The following RARB variants were observed in gnomAD, a reference collection of about 807,000 sequenced individuals.
RARB encodes HBV-activated protein.
RARB carries 17 observed loss-of-function variants against 51.9 expected under a neutral mutation model. The observed-to-expected ratio is 0.33, with a 90% CI of 0.22 to 0.49. The LOEUF (loss-of-function observed/expected upper bound fraction) is 0.49, where lower values mean the gene tolerates loss of function less well. Among genes scored for constraint, RARB ranks in the 20% least tolerant of loss-of-function variants. The pLI, the probability that RARB is intolerant of heterozygous loss-of-function variation, is 0.99. For missense variants in RARB, 369 were observed against 550.8 expected, an observed-to-expected ratio of 0.67 and a Z score of 3.30; for synonymous variants, 215 against 195.4, an observed-to-expected ratio of 1.10 and a Z score of -0.84.
chr3:25,212,938 T>C lies in RARB; in HGVS notation c.178+38363T>C, dbSNP rs78607722. Among the ~76,000 whole-genome samples, 1,099 of 152,278 alleles carry C rather than the reference T, an allele frequency of 7.2e-3. 12 individuals carry two copies. Among genetic ancestry groups the C allele is most frequent in the African/African-American group, 0.023 (968 of 41,544 alleles). Reference sequence around the variant, plus strand: ...CCTGAACTAGGCCACGGACGGGAAGTAAGGAAGGTCCCTGAGCATTGCGGC... The same window carrying C: ...CCTGAACTAGGCCACGGACGGGAAGCAAGGAAGGTCCCTGAGCATTGCGGC... On this transcript the variant is annotated intron_variant, in intron 5 of 11. Coordinates refer to the RARB transcript ENST00000383772.
At chr3:25,138,853 A>C (rs1700070225) in intron 4 of RARB, among the ~76,000 whole-genome samples, 2 of 152,172 alleles carry the variant, frequency 1.3e-5, no homozygotes, top group African/African-American at 4.8e-5. Context: ...TATTTTACAA[A>C]TTGAAGGCTT....
At chr3:25,497,720 ACT>A (rs370365755) in intron 2 of RARB, among the ~76,000 whole-genome samples, 2 of 151,826 alleles carry the variant, frequency 1.3e-5, no homozygotes, top group African/African-American at 2.4e-5. Context: ...TGCTACCTCC[ACT>A]CTCTCCTCTC....
At chr3:25,031,770 C>A (rs1200037093) in intron 2 of RARB, among the ~76,000 whole-genome samples, 1 of 152,122 alleles carries the variant, frequency 6.6e-6, no homozygotes, top group Non-Finnish European at 1.5e-5. Context: ...GAAGTGAAAA[C>A]TAAAAAGGGC....
chr3:25,163,628 A>G (rs1449675066), intron 4 of RARB, among the ~76,000 whole-genome samples: 1 of 151,642 alleles, frequency 6.6e-6, no homozygotes, highest in African/African-American at 2.4e-5. Flanking sequence ...ACACACAGAA[A>G]TTAATAATAT....
chr3:24,937,945 A>G (rs1695580343), intron 2 of RARB, among the ~76,000 whole-genome samples: 1 of 152,210 alleles, frequency 6.6e-6, no homozygotes, highest in African/African-American at 2.4e-5. Context: ...GAGACCGCAC[A>G]TGAGAAGGGT....
chr3:25,404,842 C>T (rs767777288), intron 5 of RARB, among the ~76,000 whole-genome samples: 44 of 152,186 alleles, frequency 2.9e-4, no homozygotes, highest in Non-Finnish European at 5.4e-4. Flanking sequence ...TACTGAACCT[C>T]CAACCCAGTT....
intron 2 of RARB, among the ~76,000 whole-genome samples, chr3:25,042,964 T>C (rs1698143607): frequency 6.6e-6 from 1 of 152,230 alleles, no homozygotes; most frequent in African/African-American, 2.4e-5. Flanking sequence ...TCAGATATCC[T>C]TCATCCAGTA....
intron 2 of RARB, among the ~76,000 whole-genome samples, chr3:24,980,548 G>A (rs1440048203): frequency 6.6e-6 from 1 of 152,090 alleles, no homozygotes; most frequent in Admixed American, 6.5e-5. Context: ...TCTTCCACTT[G>A]ATCGAATCGG....
intron 2 of RARB, among the ~76,000 whole-genome samples, chr3:25,007,762 G>GATGTTTTAATCTTC (rs1697307919): frequency 6.6e-6 from 1 of 151,906 alleles, no homozygotes; most frequent in Admixed American, 6.6e-5. Context: ...TGGGCTCAAT[G>GATGTTTTAATCTTC]ATGTTTTAAT....
At chr3:25,165,448 C>G (rs932664000) in intron 4 of RARB, among the ~76,000 whole-genome samples, 3 of 152,148 alleles carry the variant, frequency 2.0e-5, no homozygotes, top group African/African-American at 7.2e-5. Flanking sequence ...AATGTGGAGA[C>G]TCCCACTGGG....
chr3:25,103,897 C>T (rs1232669579), intron 3 of RARB, among the ~76,000 whole-genome samples: 1 of 152,038 alleles, frequency 6.6e-6, no homozygotes, highest in Non-Finnish European at 1.5e-5. Flanking sequence ...TGAGTTTATT[C>T]TGATTGCTTG....
intron 3 of RARB, among the ~76,000 whole-genome samples, chr3:25,534,162 C>G (rs1332215403): frequency 1.3e-5 from 2 of 152,202 alleles, no homozygotes; most frequent in African/African-American, 2.4e-5. Context: ...ACAGTATAGA[C>G]TTTGGAATCA....
intron 5 of RARB, among the ~76,000 whole-genome samples, chr3:25,374,265 G>A (rs1163352333): frequency 6.6e-6 from 1 of 152,128 alleles, no homozygotes; most frequent in Non-Finnish European, 1.5e-5. Flanking sequence ...AAACAGAAAA[G>A]AGGGTCTGAG....
chr3:24,861,610 A>C (rs1035496992), intron 2 of RARB, among the ~76,000 whole-genome samples: 2 of 135,688 alleles, frequency 1.5e-5, no homozygotes, highest in African/African-American at 2.5e-5. Context: ...AAAAAAAAAA[A>C]AAAAACCTTT....
At chr3:25,392,925 G>A (rs1450594336) in intron 5 of RARB, among the ~76,000 whole-genome samples, 2 of 152,084 alleles carry the variant, frequency 1.3e-5, no homozygotes, top group Admixed American at 1.3e-4. Flanking sequence ...CCAGTACTAT[G>A]TTGAATACAA....
chr3:25,593,483 C>T lies in RARB; in HGVS notation c.787-20C>T. The T allele has an allele frequency of 3.1e-6, 5 of 1,599,136 alleles. No individual in the cohort carries two copies. The highest frequency in any genetic ancestry group is 4.3e-6 in the Non-Finnish European group (5 of 1,166,726). On this transcript the variant is annotated intron_variant, in intron 5 of 7. Transcript: ENST00000330688. ...GGACAGGATGGCTTAGAACATCCATCAATTTTTTTTTCCTTCCAGATTCTT... is the reference window on the plus strand; with the variant it reads ...GGACAGGATGGCTTAGAACATCCATTAATTTTTTTTTCCTTCCAGATTCTT...
chr3:24,969,019 C>G (rs552379934), intron 2 of RARB, among the ~76,000 whole-genome samples: 3 of 151,824 alleles, frequency 2.0e-5, no homozygotes, highest in African/African-American at 7.2e-5. Context: ...TTTCTACAAT[C>G]AAGTTACCTG....
chr3:25,127,867 C>T (rs1434528574), intron 3 of RARB, among the ~76,000 whole-genome samples: 1 of 152,006 alleles, frequency 6.6e-6, no homozygotes, highest in South Asian at 2.1e-4. Context: ...AAGAGTAGTT[C>T]ACTTCTGTGT....
At chr3:25,281,150 G>A (rs1703512184) in intron 5 of RARB, among the ~76,000 whole-genome samples, 1 of 152,186 alleles carries the variant, frequency 6.6e-6, no homozygotes, top group African/African-American at 2.4e-5. Flanking sequence ...ATCCTGGGCA[G>A]TATTTTGATT....
Sources: gnomAD v4.1 joint callset for allele counts (sites outside exome capture counted in the v4.1 genomes callset) on GRCh38, gnomAD v4.1.1 for gene constraint, MANE v1.5 for transcripts, NCBI Gene and HGNC (gene_info 2026-07-23, HGNC 2026-07-21) for gene names.